PRPF18: variants seen among roughly 807,000 people sequenced by gnomAD.
PRPF18 encodes pre-mRNA processing factor 18.
PRPF18 carries 38 observed loss-of-function variants against 46.5 expected under a neutral mutation model. The ratio of observed to expected loss-of-function variants is 0.82; its 90% CI spans 0.63 to 1.07. The LOEUF (loss-of-function observed/expected upper bound fraction) is 1.07, where lower values mean the gene tolerates loss of function less well. PRPF18 is among the 50% of genes least tolerant of loss of function. The pLI, the probability that PRPF18 is intolerant of heterozygous loss-of-function variation, is 0.00. For missense variants in PRPF18, 263 were observed against 410.0 expected (o/e 0.64, Z 3.10); for synonymous variants, 152 against 146.7 (o/e 1.04, Z -0.26).
rs1462139971 is a variant in PRPF18, at chr10:13,604,977, AGGT to A, written c.250-650_250-648del. Among the ~76,000 whole-genome samples, 3 of 152,296 alleles carry A rather than the reference AGGT, an allele frequency of 2.0e-5. No homozygotes were observed. The East Asian group carries it at 5.8e-4, about 29-fold the overall frequency. On this transcript the variant is annotated intron_variant, in intron 3 of 9. Coordinates refer to ENST00000378572, the MANE Select transcript of PRPF18 (RefSeq NM_003675.4). ...TTTTTTAAAAATCTCACAGTAAAAG[AGGT>A]GGTTTATATTAGGGTCTTTCTTTAG... is the stretch of plus-strand genomic sequence containing the variant.
intron 2 of PRPF18, 93 bp downstream of exon 2, chr10:13,597,628 T>G (rs1463692829): frequency 1.9e-6 from 3 of 1,604,926 alleles, no homozygotes; most frequent in Admixed American, 1.7e-5. Flanking sequence ...TCTGTTCAAT[T>G]TATCAATATA....
At chr10:13,650,433 C>T in the PRPF18 span, among the ~76,000 whole-genome samples, 40 of 152,208 alleles carry the variant, frequency 2.6e-4, no homozygotes, top group African/African-American at 7.2e-4. Context: ...TGTATGTATT[C>T]GTGTATGTAT....
At chr10:13,594,343 A>G (rs184283009) in intron 1 of PRPF18, among the ~76,000 whole-genome samples, 48 of 152,348 alleles carry the variant, frequency 3.2e-4, no homozygotes, top group Admixed American at 2.7e-3. Flanking sequence ...ACACGAAGAA[A>G]ATTCATCCAC....
intron 5 of PRPF18, 46 bp downstream of exon 5, chr10:13,610,231 T>G (rs2080251098): frequency 6.3e-7 from 1 of 1,581,652 alleles, no homozygotes; most frequent in African/African-American, 1.3e-5. Flanking sequence ...CCCTTCTTTT[T>G]CCTCTGGAGC....
intron 1 of PRPF18, among the ~76,000 whole-genome samples, chr10:13,590,546 G>C (rs1454214248): frequency 6.6e-6 from 1 of 150,718 alleles, no homozygotes; most frequent in Non-Finnish European, 1.5e-5. Flanking sequence ...GCGTGAACCC[G>C]GGAGGCGGGG....
At chr10:13,605,454 C>T (rs7903152) in intron 3 of PRPF18, among the ~76,000 whole-genome samples, 177 bp from the exon 4 acceptor site, 2,088 of 151,660 alleles carry the variant, frequency 0.014, 55 homozygotes, top group African/African-American at 0.048. Context: ...TGGTGGCGGG[C>T]GCCTGTAGTC....
In PRPF18 at chr10:13,609,717, C is replaced by T. The variant is rs115228226; in HGVS notation, c.364-322C>T. ...TGGGGACTCTAATGGAGACCTGCCA[C>T]TGTCACTAAGCCTCATTAGAAAATT... On this transcript the variant is annotated intron_variant, in intron 4 of 9. Transcript: ENST00000378572. Among the ~76,000 whole-genome samples, 1,375 of 152,314 alleles carry T rather than the reference C, an allele frequency of 9.0e-3. 30 individuals carry two copies. Among genetic ancestry groups the T allele is most frequent in the East Asian group, 0.057 (293 of 5,184 alleles).
At chr10:13,628,368 A>G (rs2080541918) in intron 9 of PRPF18, among the ~76,000 whole-genome samples, 1 of 152,210 alleles carries the variant, frequency 6.6e-6, no homozygotes, top group Admixed American at 6.5e-5. Flanking sequence ...GATTGGTTCC[A>G]GGACCCTGCA....
At chr10:13,652,160 C>T in the PRPF18 span, 2 of 608,128 alleles carry the variant, frequency 3.3e-6, no homozygotes, top group South Asian at 2.0e-5. Context: ...AGTCAAAATA[C>T]CTAGTTTGTT....
intron 3 of PRPF18, among the ~76,000 whole-genome samples, chr10:13,602,715 T>C (rs1564453638): frequency 6.6e-6 from 1 of 152,208 alleles, no homozygotes; most frequent in African/African-American, 2.4e-5. Context: ...TCACGTCACT[T>C]ACATATTTTA....
rs1135102 is a variant in PRPF18, at chr10:13,611,653, A to G, written c.549A>G (p.Lys183=). 723,768 of 1,612,192 alleles carry G rather than the reference A, an allele frequency of 0.45. 167,289 individuals are homozygous for G. Among genetic ancestry groups the G allele is most frequent in the African/African-American group, 0.48 (35,568 of 74,836 alleles). The change falls in exon 6 of 10, where the codon AAA becomes AAG. Residue 183 remains lysine, a synonymous_variant. Transcript: ENST00000378572. ...GESLGKGDDH[K]DMDIITKFLK... ...CCTTAGGGAAAGGCGATGATCATAA[A>G]GACATGGACATCATCACCAAATTCC...
At chr10:13,614,579 G>A (rs2080314269) in intron 8 of PRPF18, among the ~76,000 whole-genome samples, 1 of 152,208 alleles carries the variant, frequency 6.6e-6, no homozygotes, top group Admixed American at 6.5e-5. Flanking sequence ...TTCAAGCAAG[G>A]CTTCCAGGAC....
At chr10:13,620,582 T>C (rs2080407684) in intron 9 of PRPF18, among the ~76,000 whole-genome samples, 1 of 152,202 alleles carries the variant, frequency 6.6e-6, no homozygotes. Context: ...GTTCCCAGCC[T>C]GAATCCTCCT....
At chr10:13,589,706 A>G (rs892946590) in intron 1 of PRPF18, among the ~76,000 whole-genome samples, 3 of 152,326 alleles carry the variant, frequency 2.0e-5, no homozygotes, top group South Asian at 2.1e-4. Flanking sequence ...ATCACAGAAT[A>G]TCTGACTTAG....
intron 6 of PRPF18, 85 bp downstream of exon 6, chr10:13,611,768 T>C (rs1246249326): frequency 8.2e-7 from 1 of 1,215,970 alleles, no homozygotes; most frequent in African/African-American, 1.5e-5. Context: ...GGTTAAAGGC[T>C]GGAACGGGAA....
At chr10:13,592,024 T>G in intron 1 of PRPF18, 1 of 654,536 alleles carries the variant, frequency 1.5e-6, no homozygotes, top group Admixed American at 2.2e-5. Context: ...ACCTGGGTAC[T>G]ACCATTCTTG....
At chr10:13,653,874 A>G in the PRPF18 span, 2 of 161,084 alleles carry the variant, frequency 1.2e-5, no homozygotes, top group Non-Finnish European at 2.7e-5. Flanking sequence ...TTTCGGTTTC[A>G]TTAATTTTGT....
In PRPF18 at chr10:13,587,092, C is replaced by T; in HGVS notation, c.6C>T (p.Asp2=). ...GCTTAAATTCTGGCGGCGAGATGGA[C>T]ATTCTGAAATCAGAGATCCTTCGGA... M[D]ILKSEILRKR... The change falls in exon 1 of 10, where the codon GAC becomes GAT. Residue 2 remains aspartate (D), a synonymous_variant. Transcript: ENST00000378572. 2 of 1,614,112 alleles carry T rather than the reference C, an allele frequency of 1.2e-6. No homozygotes were observed. The highest frequency in any genetic ancestry group is 1.1e-5 in the South Asian group (1 of 91,078).
chr10:13,588,859 T>A (rs1187255216), intron 1 of PRPF18, among the ~76,000 whole-genome samples: 1 of 152,232 alleles, frequency 6.6e-6, no homozygotes, highest in Non-Finnish European at 1.5e-5. Flanking sequence ...CTTCACACTC[T>A]TAAAAGTTAC....
Sources: gnomAD v4.1 joint callset for allele counts (sites outside exome capture counted in the v4.1 genomes callset) on GRCh38, gnomAD v4.1.1 for gene constraint, MANE v1.5 for transcripts, NCBI Gene and HGNC (gene_info 2026-07-23, HGNC 2026-07-21) for gene names.